NTM: variants seen among roughly 807,000 people sequenced by gnomAD.
NTM encodes the protein IgLON family member 2.
A neutral mutation model predicts 42.1 loss-of-function variants in NTM; 13 were observed. The observed-to-expected ratio is 0.31, with a 90% confidence interval of 0.20 to 0.49. The LOEUF is 0.49. Ranked by LOEUF, NTM falls within the 20% of genes least tolerant of loss-of-function variation. The probability of loss-of-function intolerance (pLI) is 0.99; values close to 1 mark genes in which losing one functional copy is unlikely to be tolerated. For missense variants in NTM, 373 were observed against 452.8 expected (o/e 0.82, Z 1.60); for synonymous variants, 187 against 179.2 (o/e 1.04, Z -0.35).
intron 1 of NTM, among the ~76,000 whole-genome samples, chr11:131,601,577 C>A (rs1219320446): frequency 6.6e-6 from 1 of 151,912 alleles, no homozygotes; most frequent in South Asian, 2.1e-4. Flanking sequence ...CCTCAAACCC[C>A]CTTCCCTCTC....
chr11:131,579,416 G>A (rs2058203208), intron 1 of NTM, among the ~76,000 whole-genome samples: 1 of 152,134 alleles, frequency 6.6e-6, no homozygotes, highest in Non-Finnish European at 1.5e-5. Context: ...CTGCATTACT[G>A]TAAACCAGTC....
intron 1 of NTM, among the ~76,000 whole-genome samples, chr11:131,807,386 A>G (rs1401056642): frequency 1.3e-5 from 2 of 152,226 alleles, no homozygotes; most frequent in Non-Finnish European, 2.9e-5. Flanking sequence ...TTCAAAATCT[A>G]GAAAGCTTTC....
At chr11:131,458,099 A>G (rs964241541) in intron 1 of NTM, among the ~76,000 whole-genome samples, 1 of 152,160 alleles carries the variant, frequency 6.6e-6, no homozygotes, top group African/African-American at 2.4e-5. Context: ...GTGAGTAGAG[A>G]GGGAAGAAGT....
chr11:132,320,313 G>A (rs2095532258), intron 7 of NTM, among the ~76,000 whole-genome samples: 1 of 152,350 alleles, frequency 6.6e-6, no homozygotes, highest in East Asian at 1.9e-4. Context: ...AGGTCAGTGG[G>A]TGCACGCACC....
At chr11:131,645,265 C>T (rs981139856) in intron 1 of NTM, among the ~76,000 whole-genome samples, 10 of 152,180 alleles carry the variant, frequency 6.6e-5, no homozygotes, top group Admixed American at 3.9e-4. Context: ...ACTTGAAAAT[C>T]GTATGAGGCT....
At chr11:131,547,373 C>T (rs1208818432) in intron 1 of NTM, among the ~76,000 whole-genome samples, 4 of 152,152 alleles carry the variant, frequency 2.6e-5, no homozygotes, top group African/African-American at 7.2e-5. Context: ...CCCAGGAGAG[C>T]GCCTTGGACA....
At chr11:131,414,961 C>G (rs1372369333) in intron 1 of NTM, among the ~76,000 whole-genome samples, 1 of 152,182 alleles carries the variant, frequency 6.6e-6, no homozygotes. Context: ...CAACAGATTC[C>G]AGTCTCCCCA....
chr11:132,108,233 G>T (rs1163450779), intron 2 of NTM, among the ~76,000 whole-genome samples: 1 of 151,994 alleles, frequency 6.6e-6, no homozygotes, highest in Admixed American at 6.6e-5. Flanking sequence ...ATTTCAACAG[G>T]CTTTAGTTTA....
intron 7 of NTM, chr11:132,317,520 C>CT (rs890121163): frequency 1.3e-4 from 52 of 389,472 alleles, no homozygotes; most frequent in Middle Eastern, 7.6e-4. Context: ...TTCTGTCTTC[C>CT]TTTTTTTTAT....
chr11:132,091,414 AT>A (rs1403902902), intron 2 of NTM, among the ~76,000 whole-genome samples: 55 of 152,122 alleles, frequency 3.6e-4, no homozygotes, highest in African/African-American at 1.2e-3. Context: ...TCAAAAAAAA[AT>A]AATAAATTAA....
intron 1 of NTM, among the ~76,000 whole-genome samples, chr11:131,697,600 A>G (rs1201255298): frequency 6.6e-6 from 1 of 151,678 alleles, no homozygotes; most frequent in Non-Finnish European, 1.5e-5. Context: ...CAGTAATTTT[A>G]TTTTTTCTGA....
chr11:132,308,712 G>C (rs1360139667), intron 5 of NTM, among the ~76,000 whole-genome samples: 1 of 152,062 alleles, frequency 6.6e-6, no homozygotes, highest in Non-Finnish European at 1.5e-5. Context: ...ATTTAGGTTT[G>C]TGTTACAATG....
intron 2 of NTM, among the ~76,000 whole-genome samples, chr11:132,124,889 T>C (rs927186916): frequency 6.6e-6 from 1 of 152,228 alleles, no homozygotes; most frequent in Non-Finnish European, 1.5e-5. Context: ...TCCTAGGTAC[T>C]GTAGCTAGCG....
chr11:132,309,473 C>T (rs2095212399), intron 5 of NTM, among the ~76,000 whole-genome samples: 1 of 152,090 alleles, frequency 6.6e-6, no homozygotes, highest in South Asian at 2.1e-4. Flanking sequence ...TTCTAGAAGG[C>T]TGATTAAAGG....
At chr11:131,901,648 G>T (rs138179078) in intron 1 of NTM, among the ~76,000 whole-genome samples, 222 of 150,750 alleles carry the variant, frequency 1.5e-3, no homozygotes, top group Admixed American at 5.5e-3. Context: ...GCAGCTCTCT[G>T]CCTTTGAAAA....
rs1181784131 is a variant in NTM, at chr11:132,126,787, C to T, written c.168-19495C>T. Among the ~76,000 whole-genome samples, 6 of 152,132 alleles carry T rather than the reference C, an allele frequency of 3.9e-5. No homozygotes were observed. In the East Asian group the frequency reaches 1.2e-3, roughly 29 times the overall value. ...AGAACGTGCCTTTTTCCGATTTGTGCTGGCTGCGACCTTGCAGCCTGTTTC... is the reference window on the plus strand; with the variant it reads ...AGAACGTGCCTTTTTCCGATTTGTGTTGGCTGCGACCTTGCAGCCTGTTTC... On this transcript the variant is annotated intron_variant, in intron 2 of 8. Transcript: ENST00000683400.
Position 132,302,305 on chromosome 11 carries a change from C to T in NTM, c.527-5384C>T, listed in dbSNP as rs145704308. ...CACTTTTAAATTAAGGATGCCTTCTCCTGAGGAAATAATTGGCCCCAAAAC... is the reference window on the plus strand; with the variant it reads ...CACTTTTAAATTAAGGATGCCTTCTTCTGAGGAAATAATTGGCCCCAAAAC... On this transcript the variant is annotated intron_variant, in intron 4 of 8. Transcript: ENST00000683400. Among the ~76,000 whole-genome samples, 1,215 of 152,280 alleles carry T rather than the reference C, an allele frequency of 8.0e-3. 22 individuals carry two copies. Among genetic ancestry groups the T allele is most frequent in the African/African-American group, 0.028 (1,160 of 41,564 alleles).
chr11:131,738,543 T>A (rs1284805437), intron 1 of NTM, among the ~76,000 whole-genome samples: 1 of 152,214 alleles, frequency 6.6e-6, no homozygotes, highest in East Asian at 1.9e-4. Flanking sequence ...TTACACTGCA[T>A]TCAATATTGT....
At chr11:132,045,133 C>T in intron 2 of NTM, among the ~76,000 whole-genome samples, 1 of 152,170 alleles carries the variant, frequency 6.6e-6, no homozygotes, top group East Asian at 1.9e-4. Flanking sequence ...TCCTCAGTAA[C>T]AGCGTTAGTG....
Sources: allele counts gnomAD v4.1 joint callset (sites outside exome capture counted in the v4.1 genomes callset), GRCh38; gene constraint gnomAD v4.1.1; transcripts MANE v1.5; gene names NCBI Gene and HGNC (gene_info 2026-07-23, HGNC 2026-07-21).